KCNH8: variants seen among roughly 807,000 people sequenced by gnomAD.
KCNH8 encodes voltage-gated delayed rectifier potassium channel KCNH8.
Under a neutral mutation model 103.6 loss-of-function variants are expected in KCNH8, and 70 were observed. That is an observed-to-expected ratio of 0.68 (90% CI 0.56 to 0.82). KCNH8 has a LOEUF of 0.82. Among genes scored for constraint, KCNH8 ranks in the 40% least tolerant of loss-of-function variants. The probability of loss-of-function intolerance (pLI) is 0.00; values close to 1 mark genes in which losing one functional copy is unlikely to be tolerated. For synonymous variants in KCNH8, 498 were observed against 489.4 expected (o/e 1.02, Z -0.23); for missense variants, 1,217 against 1,329.9 (o/e 0.92, Z 1.32).
At chr3:19,253,539 A>G in intron 1 of KCNH8, 115 bp from the exon 2 acceptor site, 1 of 796,274 alleles carries the variant, frequency 1.3e-6, no homozygotes, top group African/African-American at 1.7e-5. Context: ...GCAGCACATC[A>G]GAATGTGCCT....
intron 3 of KCNH8, among the ~76,000 whole-genome samples, chr3:19,335,408 G>T (rs1322349488): frequency 1.3e-5 from 2 of 150,536 alleles, no homozygotes; most frequent in Non-Finnish European, 3.0e-5. Context: ...ATCTATAAGT[G>T]AAAGTAGTAT....
At position 19,166,147 on chromosome 3, in the gene KCNH8, T is replaced by A. The variant is rs546039163; in HGVS notation, c.76+17352T>A. On this transcript the variant is annotated intron_variant, in intron 1 of 15. Coordinates refer to ENST00000328405, the MANE Select transcript of KCNH8 (RefSeq NM_144633.3). ...CATCATATTTGCCTTATTATTGTTA[T>A]CTTTGGGGGAAAAATAACACGTTTC... Among the ~76,000 whole-genome samples, 134 of 152,342 alleles carry A rather than the reference T, an allele frequency of 8.8e-4. 1 individual carries two copies. The highest frequency in any genetic ancestry group is 3.1e-3 in the African/African-American group (127 of 41,584).
At chr3:19,244,294 G>T (rs2064177298) in intron 1 of KCNH8, among the ~76,000 whole-genome samples, 1 of 152,136 alleles carries the variant, frequency 6.6e-6, no homozygotes, top group Admixed American at 6.5e-5. Context: ...AATAAGCTTT[G>T]CAAAGGCAGG....
chr3:19,323,704 G>A (rs369971451), intron 3 of KCNH8, among the ~76,000 whole-genome samples: 1 of 152,156 alleles, frequency 6.6e-6, no homozygotes, highest in African/African-American at 2.4e-5. Flanking sequence ...CTCCCTTGAT[G>A]TGGTGCTCTT....
intron 2 of KCNH8, among the ~76,000 whole-genome samples, chr3:19,268,365 A>T (rs1316768927): frequency 6.6e-6 from 1 of 152,094 alleles, no homozygotes; most frequent in East Asian, 1.9e-4. Context: ...GAATGAAAGC[A>T]TTCTAGTCAA....
chr3:19,153,912 G>T (rs1051895161), intron 1 of KCNH8, among the ~76,000 whole-genome samples: 4 of 152,038 alleles, frequency 2.6e-5, no homozygotes, highest in Non-Finnish European at 4.4e-5. Flanking sequence ...GATTACAGGC[G>T]TGAGCCACTG....
At chr3:19,488,322 T>C (rs1370692542) in intron 11 of KCNH8, among the ~76,000 whole-genome samples, 1 of 152,244 alleles carries the variant, frequency 6.6e-6, no homozygotes, top group African/African-American at 2.4e-5. Flanking sequence ...GCCAGTAAGT[T>C]GGCGTTTCCG....
chr3:19,231,530 A>G (rs1331162072), intron 1 of KCNH8, among the ~76,000 whole-genome samples: 1 of 152,198 alleles, frequency 6.6e-6, no homozygotes, highest in East Asian at 1.9e-4. Flanking sequence ...GTAAATTTAT[A>G]TATTGAAAAA....
intron 1 of KCNH8, among the ~76,000 whole-genome samples, chr3:19,232,295 T>C (rs530026377): frequency 1.3e-3 from 194 of 152,350 alleles, no homozygotes; most frequent in African/African-American, 4.5e-3. Context: ...CTCTTGGTTT[T>C]ATTTCCTCAA....
At chr3:19,163,073 T>A (rs2063249161) in intron 1 of KCNH8, among the ~76,000 whole-genome samples, 1 of 151,818 alleles carries the variant, frequency 6.6e-6, no homozygotes, top group African/African-American at 2.4e-5. Context: ...GAAGTGCACC[T>A]TTGAGGAAAA....
At chr3:19,492,400 C>G (rs2068342296) in intron 11 of KCNH8, among the ~76,000 whole-genome samples, 1 of 152,144 alleles carries the variant, frequency 6.6e-6, no homozygotes, top group Admixed American at 6.5e-5. Flanking sequence ...TATGGCTATC[C>G]AGTTATCCCA....
chr3:19,486,605 G>A (rs948349423), intron 11 of KCNH8, among the ~76,000 whole-genome samples: 1 of 151,354 alleles, frequency 6.6e-6, no homozygotes, highest in Non-Finnish European at 1.5e-5. Flanking sequence ...TTGACACATA[G>A]AGTGTAAAGG....
At chr3:19,498,123 G>A (rs371470791) in intron 11 of KCNH8, among the ~76,000 whole-genome samples, 3 of 152,090 alleles carry the variant, frequency 2.0e-5, no homozygotes, top group African/African-American at 7.2e-5. Context: ...TTTTGAGCCT[G>A]TGATTGTCAC....
At chr3:19,475,416 G>A (rs2067952707) in intron 11 of KCNH8, among the ~76,000 whole-genome samples, 1 of 152,038 alleles carries the variant, frequency 6.6e-6, no homozygotes, top group Non-Finnish European at 1.5e-5. Flanking sequence ...TCCCAAATTT[G>A]GAAATGCTGA....
intron 1 of KCNH8, among the ~76,000 whole-genome samples, chr3:19,179,749 G>A (rs2063433341): frequency 6.6e-6 from 1 of 152,040 alleles, no homozygotes; most frequent in Admixed American, 6.6e-5. Context: ...GAAACTCTAG[G>A]TAGAGGAGAA....
intron 1 of KCNH8, among the ~76,000 whole-genome samples, chr3:19,156,494 A>C (rs1380423362): frequency 6.6e-6 from 1 of 152,166 alleles, no homozygotes; most frequent in Non-Finnish European, 1.5e-5. Flanking sequence ...CCCTTTGGAT[A>C]TATTATGCTT....
rs565083783 is a variant in KCNH8, at chr3:19,418,901, A to C, written c.1178-19263A>C. ...GCTCTTTATACTTGCACTAATGAAA[A>C]GGTATTCTCTGTTATACTAATGGTG... On this transcript the variant is annotated intron_variant, in intron 7 of 15. Coordinates refer to ENST00000328405, the MANE Select transcript of KCNH8 (RefSeq NM_144633.3). Among the ~76,000 whole-genome samples, 11 of 152,326 alleles carry C rather than the reference A, an allele frequency of 7.2e-5. No homozygotes were observed. The East Asian group carries it at 2.1e-3, about 29-fold the overall frequency.
chr3:19,187,360 A>G (rs1222931618), intron 1 of KCNH8, among the ~76,000 whole-genome samples: 2 of 152,122 alleles, frequency 1.3e-5, no homozygotes, highest in Middle Eastern at 3.4e-3. Flanking sequence ...CTATCTATGC[A>G]TATATATAAT....
intron 7 of KCNH8, among the ~76,000 whole-genome samples, chr3:19,408,065 G>C (rs1354819902): frequency 6.6e-6 from 1 of 152,110 alleles, no homozygotes; most frequent in African/African-American, 2.4e-5. Context: ...CCATGAGTCA[G>C]TGCATTGGTT....
Sources: gnomAD v4.1 joint callset for allele counts (sites outside exome capture counted in the v4.1 genomes callset) on GRCh38, gnomAD v4.1.1 for gene constraint, MANE v1.5 for transcripts, NCBI Gene and HGNC (gene_info 2026-07-23, HGNC 2026-07-21) for gene names.